C14orf39: variants seen among roughly 807,000 people sequenced by gnomAD.
The protein encoded by C14orf39 is protein SIX6OS1.
A neutral mutation model predicts 85.6 loss-of-function variants in C14orf39; 66 were observed. The observed-to-expected ratio is 0.77, with a 90% CI of 0.63 to 0.95. The LOEUF (loss-of-function observed/expected upper bound fraction) is 0.95. Ranked by LOEUF, C14orf39 falls within the 40% of genes least tolerant of loss-of-function variation. The pLI, the probability that C14orf39 is intolerant of heterozygous loss-of-function variation, is 0.00. For missense variants in C14orf39, 735 were observed against 663.9 expected (o/e 1.11, Z -1.18); for synonymous variants, 242 against 214.0 (o/e 1.13, Z -1.14).
chr14:60,461,378 G>A lies in C14orf39; in HGVS notation c.1093C>T (p.Gln365Ter). ...LTPQKQSNSN[Q>*]WSEKGDKDAE... ...CCTTTATCCCCTTTTTCCGACCACT[G>A]ATTGGAATTTGATTGTTTCTGTGGG... The change falls in exon 13 of 18, where the codon CAG becomes TAG. Residue 365 changes from glutamine (Q) to a stop codon, truncating the protein, a stop_gained. Coordinates refer to ENST00000321731, the MANE Select transcript of C14orf39 (RefSeq NM_174978.3). LOFTEE classifies it high-confidence loss of function. 6.2e-7 allele frequency: 1 copy of A among 1,610,938 alleles called. No homozygotes were observed. Among genetic ancestry groups the A allele is most frequent in the Non-Finnish European group, 8.5e-7 (1 of 1,178,270 alleles).
At chr14:60,513,234 T>C (rs890313118) in intron 1 of C14orf39, among the ~76,000 whole-genome samples, 11 of 152,204 alleles carry the variant, frequency 7.2e-5, no homozygotes, top group African/African-American at 2.4e-4. Flanking sequence ...GTGATAAAAC[T>C]GGTGTTCTTT....
chr14:60,470,990 G>C (rs1181999666), intron 7 of C14orf39, among the ~76,000 whole-genome samples: 1 of 151,932 alleles, frequency 6.6e-6, no homozygotes, highest in Non-Finnish European at 1.5e-5. Flanking sequence ...ACTAAACCCA[G>C]AGCTCCTTGG....
At chr14:60,512,797 T>G (rs1893313933) in intron 1 of C14orf39, 1 of 152,250 alleles carries the variant, frequency 6.6e-6, no homozygotes, top group Non-Finnish European at 1.5e-5. Context: ...AGTCTCTAAT[T>G]TTGTTCCTAG....
intron 1 of C14orf39, among the ~76,000 whole-genome samples, chr14:60,505,509 C>A (rs1281300609): frequency 6.6e-6 from 1 of 152,094 alleles, no homozygotes; most frequent in Non-Finnish European, 1.5e-5. Context: ...AACTAAAAGC[C>A]AGTTGTCACC....
At chr14:60,442,247 T>C in intron 16 of C14orf39, 116 bp from the exon 17 acceptor site, 1 of 601,468 alleles carries the variant, frequency 1.7e-6, no homozygotes, top group Non-Finnish European at 2.9e-6. Flanking sequence ...AGTAGACATA[T>C]GGTACCTTTA....
chr14:60,466,228 A>T (rs1259628758), intron 10 of C14orf39, among the ~76,000 whole-genome samples, 173 bp from the exon 11 acceptor site: 2 of 151,980 alleles, frequency 1.3e-5, no homozygotes, highest in Non-Finnish European at 2.9e-5. Flanking sequence ...CTTACTATAT[A>T]ATAGCTTTAC....
At chr14:60,488,541 T>G (rs1892938800), upstream of C14orf39, among the ~76,000 whole-genome samples, 1 of 152,204 alleles carries the variant, frequency 6.6e-6, no homozygotes, top group African/African-American at 2.4e-5. Flanking sequence ...AAAATTTTCC[T>G]TATCTATTAT....
intron 1 of C14orf39, chr14:60,512,449 A>G (rs2140190857): frequency 6.6e-6 from 1 of 152,322 alleles, no homozygotes; most frequent in South Asian, 2.1e-4. Flanking sequence ...TTAGACTAAC[A>G]TCTTCTTGCT....
chr14:60,483,676 C>T lies in C14orf39; in HGVS notation c.233+15G>A. 1 of 1,568,636 alleles carries T rather than the reference C, an allele frequency of 6.4e-7. No individual in the cohort carries two copies. On this transcript the variant is annotated intron_variant, in intron 4 of 17. Transcript: ENST00000321731. ...TAAAAGAATGCAATGAAAATTGATTCTTTCAAATACTCACTTTCTACAGTT... is the reference window on the plus strand; with the variant it reads ...TAAAAGAATGCAATGAAAATTGATTTTTTCAAATACTCACTTTCTACAGTT...
At chr14:60,456,795 A>T (rs2140073388) in intron 15 of C14orf39, 122 bp downstream of exon 15, 1 of 777,862 alleles carries the variant, frequency 1.3e-6, no homozygotes, top group East Asian at 3.0e-5. Context: ...TCTTCTTTGC[A>T]TGTCTGAAAT....
At chr14:60,498,813 G>T (rs572365856) in intron 2 of C14orf39, among the ~76,000 whole-genome samples, 1 of 152,212 alleles carries the variant, frequency 6.6e-6, no homozygotes, top group South Asian at 2.1e-4. Context: ...ACATTGCAAA[G>T]ATGTAATTTA....
intron 14 of C14orf39, 25 bp from the exon 15 acceptor site, chr14:60,457,120 C>T: frequency 3.4e-6 from 5 of 1,454,984 alleles, no homozygotes; most frequent in Non-Finnish European, 3.7e-6. Flanking sequence ...TAACAGAAAA[C>T]TATAAAACAA....
At chr14:60,439,919 C>CA (rs1404282103) in intron 17 of C14orf39, among the ~76,000 whole-genome samples, 1 of 151,958 alleles carries the variant, frequency 6.6e-6, no homozygotes, top group Non-Finnish European at 1.5e-5. Flanking sequence ...ACTAAAAATA[C>CA]AAAAAATTAG....
intron 2 of C14orf39, chr14:60,494,130 A>G (rs1893032565): frequency 3.1e-6 from 1 of 319,464 alleles, no homozygotes; most frequent in Non-Finnish European, 6.4e-6. Context: ...GTCCACATTC[A>G]TCAAAGGGGC....
chr14:60,445,583 C>A (rs893910172), intron 16 of C14orf39, among the ~76,000 whole-genome samples: 1 of 152,122 alleles, frequency 6.6e-6, no homozygotes, highest in African/African-American at 2.4e-5. Context: ...TAGAGAGCTA[C>A]AAAGAGACTT....
In C14orf39 at chr14:60,499,138, C is replaced by T. The variant is rs536288280; in HGVS notation, c.-9+158G>A. Among the ~76,000 whole-genome samples, 71 of 152,004 alleles carry T rather than the reference C, an allele frequency of 4.7e-4. 1 individual carries two copies. In the Middle Eastern group the frequency reaches 0.02, roughly 44 times the overall value. On this transcript the variant is annotated intron_variant, in intron 2 of 5. Transcript: ENST00000556799. ...GGGCATGGTGGTGGGCGCCTGTTAT[C>T]CCAGCTACTCAGGAGGCTGAGGCAG...
At chr14:60,462,277 G>A (rs1222623289) in intron 11 of C14orf39, among the ~76,000 whole-genome samples, 1 of 151,852 alleles carries the variant, frequency 6.6e-6, no homozygotes, top group African/African-American at 2.4e-5. Context: ...AGAGGGGAAG[G>A]GAGGGTGGGG....
At chr14:60,447,293 A>G (rs1890815062) in intron 16 of C14orf39, among the ~76,000 whole-genome samples, 1 of 152,256 alleles carries the variant, frequency 6.6e-6, no homozygotes, top group Admixed American at 6.5e-5. Context: ...TTGTATATTT[A>G]GAAAAGCCCA....
chr14:60,513,519 G>A (rs1302260971), intron 1 of C14orf39, among the ~76,000 whole-genome samples: 1 of 152,118 alleles, frequency 6.6e-6, no homozygotes, highest in Non-Finnish European at 1.5e-5. Context: ...GAGTAGCCAC[G>A]GATATCCACT....
Sources: allele counts gnomAD v4.1 joint callset (sites outside exome capture counted in the v4.1 genomes callset), GRCh38; gene constraint gnomAD v4.1.1; transcripts MANE v1.5; gene names NCBI Gene and HGNC (gene_info 2026-07-23, HGNC 2026-07-21).